The following ZKSCAN3 variants were observed in gnomAD, a reference collection of about 807,000 sequenced individuals.
ZKSCAN3 encodes the protein zinc finger protein with KRAB and SCAN domains 3.
A neutral mutation model predicts 30.7 loss-of-function variants in ZKSCAN3; 21 were observed. The observed-to-expected ratio is 0.68, with a 90% CI of 0.49 to 0.99. The LOEUF (loss-of-function observed/expected upper bound fraction) is 0.99, where lower values mean the gene tolerates loss of function less well. ZKSCAN3 is among the 50% of genes least tolerant of loss of function. The pLI is 0.00. For synonymous variants in ZKSCAN3, 201 were observed against 246.7 expected, an observed-to-expected ratio of 0.81 and a Z score of 1.73; for missense variants, 507 against 647.1, an observed-to-expected ratio of 0.78 and a Z score of 2.35.
chr6:28,353,979 T>A (rs1765243061), intron 1 of ZKSCAN3: 1 of 454,592 alleles, frequency 2.2e-6, no homozygotes, highest in Admixed American at 2.3e-5. Context: ...TATGATTTTA[T>A]TCAGCAGCAG....
At chr6:28,357,124 A>G (rs1462180444) in intron 1 of ZKSCAN3, among the ~76,000 whole-genome samples, 1 of 152,206 alleles carries the variant, frequency 6.6e-6, no homozygotes, top group East Asian at 1.9e-4. Context: ...TCCCCAGATT[A>G]TGGCTACATA....
In ZKSCAN3 at chr6:28,366,214, G is replaced by A. The variant is rs762871156; in HGVS notation, c.1546G>A (p.Gly516Ser). The change falls in exon 6 of 6, where the codon GGC (glycine) becomes AGC (serine). Residue 516 changes from glycine to serine, a missense_variant. Gly to Ser is a moderately conservative substitution (Grantham distance 56, BLOSUM62 0). Coordinates refer to ENST00000252211, the MANE Select transcript of ZKSCAN3 (RefSeq NM_024493.4). ...KPYQCNACGK[G>S]FTRISYLVQH... is the part of the protein sequence containing the mutation. ...CTATCAGTGTAATGCGTGTGGAAAA[G>A]GCTTCACCCGAATTTCATACCTTGT... The A allele has an allele frequency of 8.3e-6, 13 of 1,574,242 alleles. No homozygotes were observed. Among genetic ancestry groups the A allele is most frequent in the Non-Finnish European group, 1.0e-5 (12 of 1,165,964 alleles).
chr6:28,368,448 A>G lies in ZKSCAN3; in HGVS notation c.*2163A>G, dbSNP rs1319212057. 1 of 152,006 alleles carries G rather than the reference A, an allele frequency of 6.6e-6. No individual in the cohort carries two copies. Among genetic ancestry groups the G allele is most frequent in the South Asian group, 2.1e-4 (1 of 4,828 alleles). 9.4% of individuals were successfully genotyped at this position (152,006 alleles called of 1,614,324 possible). A position where few individuals can be genotyped will look rare whatever the true frequency, so the allele number is the denominator to read the frequency against. On this transcript the variant is annotated 3_prime_UTR_variant, in exon 6 of 6. Coordinates refer to ENST00000252211, the MANE Select transcript of ZKSCAN3 (RefSeq NM_024493.4). ...CAGGCTATCTACTTTTTTGTTAAAC[A>G]TACTGTGTAGACCATCTTTTTTTTT...
At chr6:28,363,622 G>A in intron 4 of ZKSCAN3, 70 bp from the exon 5 acceptor site, 1 of 1,602,440 alleles carries the variant, frequency 6.2e-7, no homozygotes, top group Non-Finnish European at 8.5e-7. Flanking sequence ...GCCTGGGGGT[G>A]CTTCCCAGAT....
chr6:28,355,546 T>G (rs1488123294), intron 1 of ZKSCAN3: 1 of 152,186 alleles, frequency 6.6e-6, no homozygotes, highest in Non-Finnish European at 1.5e-5. Flanking sequence ...CACATCAAGT[T>G]TAAATGGGTG....
chr6:28,363,808 C>T lies in ZKSCAN3; in HGVS notation c.750C>T (p.Val250=). The T allele has an allele frequency of 6.2e-7, 1 of 1,613,782 alleles. No homozygotes were observed. Residue 250 remains valine, a synonymous_variant, in exon 5 of 6, where the codon GTC becomes GTT. Transcript: ENST00000252211. ...AGCAGGAGAACCATGGCAGCCTGGT[C>T]TCCCTGGGTAAGACTAAAGGACACT... ...DEKQENHGSL[V]SLGDEKQTKS... is the part of the protein sequence containing the mutation.
chr6:28,360,156 T>C, intron 2 of ZKSCAN3, 168 bp downstream of exon 2: 1 of 1,211,486 alleles, frequency 8.3e-7, no homozygotes, highest in Non-Finnish European at 1.1e-6. Context: ...TCAGAATAAT[T>C]TTTTTTTTAA....
intron 1 of ZKSCAN3, among the ~76,000 whole-genome samples, chr6:28,352,774 G>T (rs868083049): frequency 8.5e-5 from 13 of 152,222 alleles, no homozygotes; most frequent in Middle Eastern, 3.4e-3. Flanking sequence ...TTAGGAGGAA[G>T]TATTTTCTGG....
chr6:28,360,186 A>T (rs1765689144), intron 2 of ZKSCAN3, 198 bp downstream of exon 2: 2 of 941,842 alleles, frequency 2.1e-6, no homozygotes, highest in Non-Finnish European at 3.1e-6. Flanking sequence ...ACCATAAAGG[A>T]TTACAAAAGA....
rs1235999302 is a variant in ZKSCAN3, at chr6:28,368,070, C to T, written c.*1785C>T. On this transcript the variant is annotated 3_prime_UTR_variant, in exon 6 of 6. Transcript: ENST00000252211. ...ACAGGCCCCAGTGTGTGATGTTCCC[C>T]TTCCTGTGTCCAAGTGTTCTCCTTA... The T allele has an allele frequency of 6.8e-6, 1 of 146,070 alleles. No homozygotes were observed. Among genetic ancestry groups the T allele is most frequent in the African/African-American group, 2.5e-5 (1 of 39,412 alleles). The allele number at this position is 146,070 out of a possible 1,614,324, so 9.0% of individuals were successfully genotyped here. A position where few individuals can be genotyped will look rare whatever the true frequency, so the allele number is the denominator to read the frequency against.
chr6:28,365,230 A>G (rs1305684025), intron 5 of ZKSCAN3, among the ~76,000 whole-genome samples, 196 bp from the exon 6 acceptor site: 1 of 151,678 alleles, frequency 6.6e-6, no homozygotes, highest in Non-Finnish European at 1.5e-5. Context: ...TACCTTTCCA[A>G]TGGCCCCATT....
chr6:28,366,259 G>T lies in ZKSCAN3; in HGVS notation c.1591G>T (p.Val531Leu). The change falls in exon 6 of 6, where the codon GTA (valine) becomes TTA (leucine). Residue 531 changes from valine to leucine, a missense_variant. Coordinates refer to ENST00000252211, the MANE Select transcript of ZKSCAN3 (RefSeq NM_024493.4). ...SYLVQHQRSHVGKNILSQ is the reference protein window; with the variant it reads ...SYLVQHQRSHLGKNILSQ ...CCTTGTTCAACATCAGAGAAGCCAT[G>T]TAGGGAAAAACATCCTATCACAGTG... 1 of 1,539,928 alleles carries T rather than the reference G, an allele frequency of 6.5e-7. No homozygotes were observed. Among genetic ancestry groups the T allele is most frequent in the Non-Finnish European group, 8.7e-7 (1 of 1,148,686 alleles).
In ZKSCAN3 at chr6:28,365,943, G is replaced by C; in HGVS notation, c.1275G>C (p.Pro425=). The C allele has an allele frequency of 6.2e-7, 1 of 1,613,940 alleles. No homozygotes were observed. The highest frequency in any genetic ancestry group is 8.5e-7 in the Non-Finnish European group (1 of 1,179,908). Residue 425 remains proline, a synonymous_variant, in exon 6 of 6, where the codon CCG becomes CCC. Coordinates refer to ENST00000252211, the MANE Select transcript of ZKSCAN3 (RefSeq NM_024493.4). ...EHHRIHTGEK[P]YQCSMCGKAF... ...ACAGAATCCACACTGGGGAGAAGCC[G>C]TATCAGTGCAGTATGTGTGGCAAAG...
chr6:28,359,446 A>C, intron 1 of ZKSCAN3, 79 bp from the exon 2 acceptor site: 3 of 1,067,812 alleles, frequency 2.8e-6, no homozygotes, highest in Non-Finnish European at 4.0e-6. Context: ...AGTTCCCCAG[A>C]GATGTCTCTG....
chr6:28,365,161 T>A (rs1187225370), intron 5 of ZKSCAN3, among the ~76,000 whole-genome samples: 1 of 152,054 alleles, frequency 6.6e-6, no homozygotes, highest in African/African-American at 2.4e-5. Flanking sequence ...ACCACATACA[T>A]CCCCAGCATA....
At chr6:28,358,253 T>C (rs571658192) in intron 1 of ZKSCAN3, among the ~76,000 whole-genome samples, 1 of 152,200 alleles carries the variant, frequency 6.6e-6, no homozygotes, top group Non-Finnish European at 1.5e-5. Context: ...GGCACAATCA[T>C]AGCTTACTGC....
In ZKSCAN3 at chr6:28,366,083, A is replaced by G; in HGVS notation, c.1415A>G (p.Glu472Gly). The change falls in exon 6 of 6, where the codon GAA becomes GGA. Residue 472 changes from glutamate to glycine, a missense_variant. By Grantham distance (98) the Glu-to-Gly change is moderately conservative (BLOSUM62 -2). Transcript: ENST00000252211. ...AAAAGTAGGATGGAAAGCCAGTTGG[A>G]AAATGTTGAAACTCCCATGTCTTAT... ...AWKSRMESQLENVETPMSYKC... is the reference protein window; with the variant it reads ...AWKSRMESQLGNVETPMSYKC... 6.2e-7 allele frequency: 1 copy of G among 1,608,762 alleles called. No homozygotes were observed. The highest frequency in any genetic ancestry group is 8.5e-7 in the Non-Finnish European group (1 of 1,177,884).
Position 28,365,866 on chromosome 6 carries a change from T to G in ZKSCAN3, c.1198T>G (p.Cys400Gly). ...RTHTGEKPYE[C>G]DDCGKTFSQS... Reference sequence around the variant, plus strand: ...CCACACTGGGGAGAAGCCCTATGAGTGTGATGACTGTGGGAAGACCTTCAG... The same window carrying G: ...CCACACTGGGGAGAAGCCCTATGAGGGTGATGACTGTGGGAAGACCTTCAG... Residue 400 changes from cysteine (C) to glycine (G), a missense_variant, in exon 6 of 6, where the codon TGT becomes GGT. Coordinates refer to ENST00000252211, the MANE Select transcript of ZKSCAN3 (RefSeq NM_024493.4). 8 of 1,613,686 alleles carry G rather than the reference T, an allele frequency of 5.0e-6. No individual in the cohort carries two copies. The highest frequency in any genetic ancestry group is 6.8e-6 in the Non-Finnish European group (8 of 1,179,768).
Position 28,359,569 on chromosome 6 carries a change from G to A in ZKSCAN3, c.-18G>A. The A allele has an allele frequency of 6.2e-7, 1 of 1,609,902 alleles. No homozygotes were observed. The highest frequency in any genetic ancestry group is 8.5e-7 in the Non-Finnish European group (1 of 1,176,880). On this transcript the variant is annotated 5_prime_UTR_variant, in exon 2 of 6. Coordinates refer to ENST00000252211, the MANE Select transcript of ZKSCAN3 (RefSeq NM_024493.4). Reference sequence around the variant, plus strand: ...CGCTGGAAGCTAGAGTGAGGCCTGAGTACTGCCTTGGCCTAGGATGGCTAG... The same window carrying A: ...CGCTGGAAGCTAGAGTGAGGCCTGAATACTGCCTTGGCCTAGGATGGCTAG...
Sources: gnomAD v4.1 joint callset for allele counts (sites outside exome capture counted in the v4.1 genomes callset) on GRCh38, gnomAD v4.1.1 for gene constraint, MANE v1.5 for transcripts, NCBI Gene and HGNC (gene_info 2026-07-23, HGNC 2026-07-21) for gene names.